CLDN16: variants seen among roughly 807,000 people sequenced by gnomAD.
CLDN16 encodes the protein claudin-16.
CLDN16 carries 13 observed loss-of-function variants against 24.6 expected under a neutral mutation model. That is an observed-to-expected ratio of 0.53 (90% CI 0.34 to 0.84). CLDN16 has a LOEUF of 0.84. CLDN16 is among the 40% of genes least tolerant of loss of function. CLDN16 has a pLI of 0.01. For synonymous variants in CLDN16, 116 were observed against 106.7 expected (o/e 1.09, Z -0.54); for missense variants, 298 against 292.7 (o/e 1.02, Z -0.13).
chr3:190,312,963 G>A, the CLDN16 span: 233 of 1,613,974 alleles, frequency 1.4e-4, no homozygotes, highest in Non-Finnish European at 1.6e-4. Flanking sequence ...TCATGCCAAC[G>A]GTGGCCACAA....
intron 1 of CLDN16, among the ~76,000 whole-genome samples, chr3:190,347,557 A>G (rs1717577485): frequency 6.6e-6 from 1 of 152,182 alleles, no homozygotes; most frequent in Non-Finnish European, 1.5e-5. Context: ...GTCAATTATT[A>G]TCTTAGGTAT....
At chr3:190,319,963 T>A (rs1466399326), upstream of CLDN16, among the ~76,000 whole-genome samples, 1 of 152,184 alleles carries the variant, frequency 6.6e-6, no homozygotes, top group African/African-American at 2.4e-5. Context: ...GAATGGGTTT[T>A]GAGAGAAAGG....
the CLDN16 span, among the ~76,000 whole-genome samples, chr3:190,309,482 T>C: frequency 6.6e-6 from 1 of 152,206 alleles, no homozygotes; most frequent in Non-Finnish European, 1.5e-5. Flanking sequence ...ATAATTATAT[T>C]TTAACATCCT....
chr3:190,342,890 A>G (rs1717469213), intron 1 of CLDN16, among the ~76,000 whole-genome samples: 1 of 152,224 alleles, frequency 6.6e-6, no homozygotes, highest in Non-Finnish European at 1.5e-5. Context: ...ACTCCTTGAC[A>G]TTGGCCTTGG....
At chr3:190,386,152 GA>G (rs3834198), upstream of CLDN16, among the ~76,000 whole-genome samples, 14,252 of 152,242 alleles carry the variant, frequency 0.094, 893 homozygotes, top group Non-Finnish European at 0.14. Flanking sequence ...CAGATCAGCA[GA>G]GTAAATCTTA....
At chr3:190,296,131 A>C in the CLDN16 span, among the ~76,000 whole-genome samples, 929 of 152,338 alleles carry the variant, frequency 6.1e-3, 3 homozygotes, top group Non-Finnish European at 9.5e-3. Flanking sequence ...TTTGAGCTTT[A>C]CTATGTGATA....
chr3:190,329,643 G>A (rs1264274838), intron 1 of CLDN16, among the ~76,000 whole-genome samples: 1 of 152,046 alleles, frequency 6.6e-6, no homozygotes, highest in Admixed American at 6.6e-5. Context: ...AGGAAAAGTG[G>A]GTATTAGACA....
intron 1 of CLDN16, among the ~76,000 whole-genome samples, chr3:190,358,107 G>T (rs960967586): frequency 2.1e-4 from 32 of 151,792 alleles, no homozygotes; most frequent in African/African-American, 7.5e-4. Context: ...AAAAAGAAAA[G>T]AATCTGGATC....
In CLDN16 at chr3:190,404,742, C is replaced by T. The variant is rs755702805; in HGVS notation, c.218-20C>T. The T allele has an allele frequency of 3.7e-6, 6 of 1,613,620 alleles. No individual in the cohort carries two copies. The highest frequency in any genetic ancestry group is 5.1e-6 in the Non-Finnish European group (6 of 1,179,588). On this transcript the variant is annotated intron_variant, in intron 2 of 4. Coordinates refer to ENST00000264734, the MANE Select transcript of CLDN16 (RefSeq NM_006580.4). ...TTCCTTCTTCTGACTCTGCTTTAAC[C>T]ATATGCCCTGGTCTTCCAGTGAAGC...
At chr3:190,396,325 C>T (rs1718816555) in intron 1 of CLDN16, among the ~76,000 whole-genome samples, 1 of 152,172 alleles carries the variant, frequency 6.6e-6, no homozygotes. Flanking sequence ...TCAATGTAAG[C>T]TCTTCAGTCT....
At chr3:190,366,100 C>T (rs1718016697) in intron 1 of CLDN16, among the ~76,000 whole-genome samples, 1 of 151,932 alleles carries the variant, frequency 6.6e-6, no homozygotes, top group Non-Finnish European at 1.5e-5. Flanking sequence ...CTTTCTGGAG[C>T]TCTTAAGTCC....
intron 1 of CLDN16, among the ~76,000 whole-genome samples, chr3:190,398,128 A>C (rs1011071018): frequency 6.6e-6 from 1 of 152,212 alleles, no homozygotes; most frequent in African/African-American, 2.4e-5. Context: ...TCATTAAGAC[A>C]CTACAGGGCA....
chr3:190,321,028 A>G (rs950780056), upstream of CLDN16, among the ~76,000 whole-genome samples: 28 of 152,262 alleles, frequency 1.8e-4, no homozygotes, highest in African/African-American at 6.3e-4. Flanking sequence ...ATGTCTCTCT[A>G]TACAATCCTT....
At chr3:190,292,508 T>C in the CLDN16 span, among the ~76,000 whole-genome samples, 1 of 152,200 alleles carries the variant, frequency 6.6e-6, no homozygotes, top group Non-Finnish European at 1.5e-5. Context: ...CCTGGAGATA[T>C]TTTCCCCATT....
chr3:190,392,508 T>A (rs1169447001), intron 1 of CLDN16, among the ~76,000 whole-genome samples: 1 of 152,200 alleles, frequency 6.6e-6, no homozygotes, highest in Non-Finnish European at 1.5e-5. Flanking sequence ...CTCCCTAGGC[T>A]ACTGCCAGTG....
rs114584441 is a variant in CLDN16 at position 190,363,278 on chromosome 3, G to T, written n.122-7615G>T. On this transcript the variant is annotated intron_variant and non_coding_transcript_variant, in intron 1 of 4. Transcript: ENST00000468220. ...CAAGTATTGCATATCTTAGTTACAGGCATTCTAGCTGGTTGTTTTTCTACA... is the reference window on the plus strand; with the variant it reads ...CAAGTATTGCATATCTTAGTTACAGTCATTCTAGCTGGTTGTTTTTCTACA... Among the ~76,000 whole-genome samples the T allele has an allele frequency of 8.0e-3, 1,212 of 151,266 alleles. 24 individuals carry two copies. Among genetic ancestry groups the T allele is most frequent in the African/African-American group, 0.028 (1,167 of 41,296 alleles).
chr3:190,295,961 A>T, the CLDN16 span, among the ~76,000 whole-genome samples: 17,783 of 151,960 alleles, frequency 0.12, 1,376 homozygotes, highest in East Asian at 0.42. Flanking sequence ...TTGATTTTTT[A>T]TTGGCTCTAG....
the CLDN16 span, among the ~76,000 whole-genome samples, chr3:190,299,624 G>T: frequency 6.6e-6 from 1 of 151,912 alleles, no homozygotes; most frequent in Non-Finnish European, 1.5e-5. Flanking sequence ...GACCATGTTT[G>T]TTTGTTTGTT....
chr3:190,348,186 C>T (rs1460046544), intron 1 of CLDN16, among the ~76,000 whole-genome samples: 1 of 133,978 alleles, frequency 7.5e-6, no homozygotes, highest in Non-Finnish European at 1.5e-5. Flanking sequence ...ATCTGGGAGG[C>T]GGAGCTTGCA....
Sources: allele counts gnomAD v4.1 joint callset (sites outside exome capture counted in the v4.1 genomes callset), GRCh38; gene constraint gnomAD v4.1.1; transcripts MANE v1.5; gene names NCBI Gene and HGNC (gene_info 2026-07-23, HGNC 2026-07-21).